ADAMTSL1: variants seen among roughly 807,000 people sequenced by gnomAD.
ADAMTSL1 encodes ADAMTS-like protein 1.
A neutral mutation model predicts 201.8 loss-of-function variants in ADAMTSL1; 126 were observed. The observed-to-expected ratio is 0.62, with a 90% CI of 0.54 to 0.72. The LOEUF (loss-of-function observed/expected upper bound fraction) is 0.72. Among genes scored for constraint, ADAMTSL1 ranks in the 30% least tolerant of loss-of-function variants. The pLI is 0.00. For synonymous variants in ADAMTSL1, 1,121 were observed against 903.4 expected, an observed-to-expected ratio of 1.24 and a Z score of -4.32; for missense variants, 2,679 against 2,277.8, an observed-to-expected ratio of 1.18 and a Z score of -3.59.
chr9:18,647,788 T>A lies in ADAMTSL1; in HGVS notation c.834+8377T>A, dbSNP rs1437223099. 4.5e-3 allele frequency among the ~76,000 whole-genome samples: 670 copies of A among 149,348 alleles called. 7 individuals carry two copies. Among genetic ancestry groups the A allele is most frequent in the African/African-American group, 0.015 (609 of 39,634 alleles). ...AATTTCTGTTCTTTTACATTTGCTGTGGAGAGCTTTACTTCCAAGTATGTG... is the reference window on the plus strand; with the variant it reads ...AATTTCTGTTCTTTTACATTTGCTGAGGAGAGCTTTACTTCCAAGTATGTG... On this transcript the variant is annotated intron_variant, in intron 7 of 28. Coordinates refer to ENST00000380548, the MANE Select transcript of ADAMTSL1 (RefSeq NM_001040272.6).
At chr9:18,142,614 T>C (rs1826449661) in intron 1 of ADAMTSL1, among the ~76,000 whole-genome samples, 1 of 152,160 alleles carries the variant, frequency 6.6e-6, no homozygotes, top group African/African-American at 2.4e-5. Flanking sequence ...ATATATCTCT[T>C]GCCACAGTTC....
chr9:17,960,891 T>G (rs1224360495), intron 1 of ADAMTSL1, among the ~76,000 whole-genome samples: 1 of 152,226 alleles, frequency 6.6e-6, no homozygotes, highest in Non-Finnish European at 1.5e-5. Context: ...GTCTCTGGAC[T>G]GTTCACCCAT....
intron 20 of ADAMTSL1, among the ~76,000 whole-genome samples, chr9:18,805,766 G>A (rs1324766305): frequency 2.0e-5 from 3 of 152,154 alleles, no homozygotes; most frequent in African/African-American, 7.2e-5. Context: ...ATCCGTATCT[G>A]CACAGTACTC....
At chr9:18,359,439 G>T (rs1357507289) in intron 2 of ADAMTSL1, among the ~76,000 whole-genome samples, 2 of 152,190 alleles carry the variant, frequency 1.3e-5, no homozygotes, top group Non-Finnish European at 2.9e-5. Flanking sequence ...TTTCCCAGAA[G>T]TAGTTCCACA....
Position 18,143,984 on chromosome 9 carries a change from C to G in ADAMTSL1, c.88-19878C>G, listed in dbSNP as rs113820803. Among the ~76,000 whole-genome samples, 281 of 152,238 alleles carry G rather than the reference C, an allele frequency of 1.8e-3. 1 individual carries two copies. The highest frequency in any genetic ancestry group is 6.8e-3 in the Middle Eastern group (2 of 292). On this transcript the variant is annotated intron_variant, in intron 1 of 29. Transcript: ENST00000680146. The stretch of plus-strand genomic sequence containing the variant: ...GATTTCTGGTGGGAACGTTTAACAA[C>G]TGAGTAAAACGTTGCCTCAGGAAAG...
chr9:18,594,258 T>A (rs1052218496), intron 4 of ADAMTSL1, among the ~76,000 whole-genome samples: 1 of 152,158 alleles, frequency 6.6e-6, no homozygotes, highest in East Asian at 1.9e-4. Context: ...TTATAAGTTA[T>A]TTACTTCTTT....
intron 8 of ADAMTSL1, among the ~76,000 whole-genome samples, chr9:18,658,196 G>A (rs1374084021): frequency 6.6e-6 from 1 of 152,090 alleles, no homozygotes; most frequent in African/African-American, 2.4e-5. Context: ...GGATAGTCTC[G>A]ATCTCCTGAC....
At chr9:18,679,242 A>G (rs1364266879) in intron 10 of ADAMTSL1, among the ~76,000 whole-genome samples, 1 of 152,198 alleles carries the variant, frequency 6.6e-6, no homozygotes, top group African/African-American at 2.4e-5. Flanking sequence ...ATTCAAATGG[A>G]TCAACCCAGT....
chr9:18,132,629 C>A (rs1318585706), intron 1 of ADAMTSL1, among the ~76,000 whole-genome samples: 7 of 152,136 alleles, frequency 4.6e-5, no homozygotes, highest in Admixed American at 3.3e-4. Context: ...TCCAAGTGGG[C>A]TTCTTTGCCT....
At chr9:17,963,651 T>C (rs1163014489) in intron 1 of ADAMTSL1, among the ~76,000 whole-genome samples, 1 of 152,144 alleles carries the variant, frequency 6.6e-6, no homozygotes, top group Non-Finnish European at 1.5e-5. Context: ...CTTCCCGTTT[T>C]TTAATACGGT....
At chr9:18,433,235 T>C (rs189258989) in intron 2 of ADAMTSL1, among the ~76,000 whole-genome samples, 10 of 152,088 alleles carry the variant, frequency 6.6e-5, no homozygotes, top group African/African-American at 2.4e-4. Context: ...TTGTGGAGAG[T>C]TTTAATGACA....
At chr9:18,260,704 C>G (rs748005797) in intron 2 of ADAMTSL1, among the ~76,000 whole-genome samples, 3 of 152,310 alleles carry the variant, frequency 2.0e-5, no homozygotes, top group Admixed American at 2.0e-4. Flanking sequence ...CTTTTGTGGT[C>G]GTTTCCATCT....
At chr9:18,011,418 C>T (rs1820044474) in intron 1 of ADAMTSL1, among the ~76,000 whole-genome samples, 2 of 151,916 alleles carry the variant, frequency 1.3e-5, no homozygotes, top group Admixed American at 6.6e-5. Context: ...TCTGTTTACC[C>T]CCTGCAAGTG....
intron 9 of ADAMTSL1, among the ~76,000 whole-genome samples, chr9:18,664,924 AT>A (rs1428244407): frequency 6.6e-6 from 1 of 152,000 alleles, no homozygotes; most frequent in African/African-American, 2.4e-5. Context: ...ATTTTAAAGT[AT>A]TTTTAAATAA....
chr9:18,269,563 A>G (rs1342089546), intron 2 of ADAMTSL1, among the ~76,000 whole-genome samples: 1 of 152,172 alleles, frequency 6.6e-6, no homozygotes, highest in African/African-American at 2.4e-5. Context: ...AAATTTGGCA[A>G]TGGTTTTCCT....
At chr9:18,294,522 G>A (rs755377998) in intron 2 of ADAMTSL1, among the ~76,000 whole-genome samples, 3 of 152,294 alleles carry the variant, frequency 2.0e-5, no homozygotes, top group Non-Finnish European at 4.4e-5. Context: ...CAGGTGGGTT[G>A]CCTTTTTCCA....
At chr9:18,508,046 G>A (rs540192625) in intron 2 of ADAMTSL1, among the ~76,000 whole-genome samples, 69 of 152,118 alleles carry the variant, frequency 4.5e-4, no homozygotes, top group Non-Finnish European at 8.4e-4. Flanking sequence ...TTAGCTGGGC[G>A]TGGTAGCGGG....
chr9:18,228,932 T>C (rs1273724922), intron 2 of ADAMTSL1, among the ~76,000 whole-genome samples: 1 of 151,374 alleles, frequency 6.6e-6, no homozygotes, highest in African/African-American at 2.4e-5. Context: ...TCTTTCTCAC[T>C]AAGCTTTTGG....
intron 2 of ADAMTSL1, among the ~76,000 whole-genome samples, chr9:18,241,221 T>G (rs980814144): frequency 6.6e-6 from 1 of 152,208 alleles, no homozygotes; most frequent in African/African-American, 2.4e-5. Flanking sequence ...GGTTTTGATT[T>G]CAAGTGAAAG....
Sources: allele counts gnomAD v4.1 joint callset (sites outside exome capture counted in the v4.1 genomes callset), GRCh38; gene constraint gnomAD v4.1.1; transcripts MANE v1.5; gene names NCBI Gene and HGNC (gene_info 2026-07-23, HGNC 2026-07-21).